TMOD1: variants seen among roughly 807,000 people sequenced by gnomAD.
TMOD1 encodes tropomodulin 1, also known as tropomodulin-1.
A neutral mutation model predicts 40.6 loss-of-function variants in TMOD1; 17 were observed. The observed-to-expected ratio is 0.42, with a 90% CI of 0.29 to 0.63. The LOEUF (loss-of-function observed/expected upper bound fraction) is 0.63. Ranked by LOEUF, TMOD1 falls within the 20% of genes least tolerant of loss-of-function variation. The pLI is 0.22. For synonymous variants in TMOD1, 181 were observed against 175.0 expected (o/e 1.03, Z -0.27); for missense variants, 391 against 447.6 (o/e 0.87, Z 1.14).
chr9:97,517,672 A>G (rs1427959103), intron 1 of TMOD1: 1 of 152,934 alleles, frequency 6.5e-6, no homozygotes, highest in Admixed American at 6.5e-5. Context: ...AGAACCAGCC[A>G]GGGAGAACGT....
intron 2 of TMOD1, among the ~76,000 whole-genome samples, chr9:97,532,086 A>G (rs1830110612): frequency 6.6e-6 from 1 of 152,218 alleles, no homozygotes; most frequent in South Asian, 2.1e-4. Flanking sequence ...AGTTTGGTCC[A>G]CAGGGCCGTG....
intron 1 of TMOD1, among the ~76,000 whole-genome samples, chr9:97,520,537 T>A (rs1375688385): frequency 2.0e-5 from 3 of 152,100 alleles, no homozygotes; most frequent in African/African-American, 7.2e-5. Flanking sequence ...AGTCGATGAG[T>A]GTGGCTTGAA....
At chr9:97,559,803 ATATATATATATATATATATATG>A (rs1563990657) in intron 4 of TMOD1, among the ~76,000 whole-genome samples, 22 of 30,994 alleles carry the variant, frequency 7.1e-4, no homozygotes, top group South Asian at 2.1e-3. Context: ...AAATATATAT[ATATATATATATATATATATATG>A]TCTATCTATC....
chr9:97,544,966 G>A (rs1830338117), intron 2 of TMOD1, among the ~76,000 whole-genome samples: 1 of 147,698 alleles, frequency 6.8e-6, no homozygotes, highest in African/African-American at 2.6e-5. Context: ...CCGAGATTGC[G>A]CCACTGCATT....
At chr9:97,568,849 C>T (rs780051679) in intron 7 of TMOD1, 45 bp from the exon 8 acceptor site, 1 of 1,607,442 alleles carries the variant, frequency 6.2e-7, no homozygotes, top group Non-Finnish European at 8.5e-7. Context: ...TCCAGCCTTG[C>T]TCGGGGTGAC....
At chr9:97,531,033 A>ACCC (rs202030181) in intron 2 of TMOD1, among the ~76,000 whole-genome samples, 988 of 78,110 alleles carry the variant, frequency 0.013, 55 homozygotes, top group African/African-American at 0.027. Flanking sequence ...GGTGATCCAC[A>ACCC]CCCACCCCCC....
At chr9:97,567,992 C>T (rs1035649058) in intron 7 of TMOD1, among the ~76,000 whole-genome samples, 1 of 152,026 alleles carries the variant, frequency 6.6e-6, no homozygotes, top group Non-Finnish European at 1.5e-5. Context: ...TCATTTCCTT[C>T]AGAGGCTCTG....
At chr9:97,599,587 G>C (rs374066481) in intron 9 of TMOD1, 47 bp from the exon 10 acceptor site, 7 of 1,612,978 alleles carry the variant, frequency 4.3e-6, no homozygotes, top group South Asian at 2.2e-5. Context: ...GCTGGCCCCT[G>C]GTCTACAGGG....
chr9:97,522,598 G>A (rs950914171), intron 1 of TMOD1, among the ~76,000 whole-genome samples: 10 of 152,034 alleles, frequency 6.6e-5, no homozygotes, highest in Non-Finnish European at 1.0e-4. Context: ...ATCTCACTCC[G>A]TCACCCAGGC....
chr9:97,581,578 C>G (rs1019272612), intron 8 of TMOD1, among the ~76,000 whole-genome samples: 15 of 151,186 alleles, frequency 9.9e-5, no homozygotes, highest in Non-Finnish European at 1.9e-4. Context: ...ACACTGACTT[C>G]CACAATGGTT....
chr9:97,520,465 A>G (rs538876722), intron 1 of TMOD1, among the ~76,000 whole-genome samples: 155 of 152,220 alleles, frequency 1.0e-3, no homozygotes, highest in African/African-American at 3.5e-3. Flanking sequence ...CCCTACCTCC[A>G]GTTCTCCCAT....
intron 2 of TMOD1, among the ~76,000 whole-genome samples, chr9:97,535,167 G>C (rs1304879639): frequency 3.3e-5 from 5 of 152,166 alleles, no homozygotes; most frequent in Non-Finnish European, 7.3e-5. Flanking sequence ...CTCCGAGTAT[G>C]CTGGGGAGTG....
At chr9:97,546,702 G>T (rs1830365179) in intron 3 of TMOD1, among the ~76,000 whole-genome samples, 1 of 152,086 alleles carries the variant, frequency 6.6e-6, no homozygotes, top group African/African-American at 2.4e-5. Context: ...ACCGAGGCAG[G>T]CAGACCACCT....
intron 9 of TMOD1, among the ~76,000 whole-genome samples, chr9:97,597,570 T>C (rs745580606): frequency 5.9e-5 from 9 of 151,804 alleles, no homozygotes; most frequent in African/African-American, 2.2e-4. Flanking sequence ...TGGCAGTGCA[T>C]GCCTGTAGTC....
At chr9:97,527,839 A>G (rs1459748220) in intron 2 of TMOD1, among the ~76,000 whole-genome samples, 1 of 152,126 alleles carries the variant, frequency 6.6e-6, no homozygotes, top group Non-Finnish European at 1.5e-5. Flanking sequence ...CCCAGGGAGA[A>G]GTGCACCTGA....
In TMOD1 at chr9:97,502,491, C is replaced by G. The variant is rs1023098746; in HGVS notation, c.-49+688C>G. Reference sequence around the variant, plus strand: ...GGCCTTGGCAATCCCCCTCTTGTTTCTGGATCTCAGTCTCCCATTTGTAGG... The same window carrying G: ...GGCCTTGGCAATCCCCCTCTTGTTTGTGGATCTCAGTCTCCCATTTGTAGG... On this transcript the variant is annotated intron_variant, in intron 1 of 9. Coordinates refer to ENST00000259365, the MANE Select transcript of TMOD1 (RefSeq NM_003275.4). This position sits in a 1 kb window ranked among gnomAD's most constrained non-coding sequence, Gnocchi z 6.1. Among the ~76,000 whole-genome samples the G allele has an allele frequency of 7.9e-5, 12 of 152,230 alleles. No homozygotes were observed. The highest frequency in any genetic ancestry group is 1.2e-4 in the Non-Finnish European group (8 of 68,034).
At chr9:97,535,215 C>CAG (rs1423112959) in intron 2 of TMOD1, among the ~76,000 whole-genome samples, 1 of 152,132 alleles carries the variant, frequency 6.6e-6, no homozygotes, top group Admixed American at 6.5e-5. Flanking sequence ...GTCTAAGGAG[C>CAG]AGAGGTAGAG....
At chr9:97,574,699 C>G (rs924665761) in intron 8 of TMOD1, among the ~76,000 whole-genome samples, 3 of 152,248 alleles carry the variant, frequency 2.0e-5, no homozygotes, top group African/African-American at 7.2e-5. Context: ...ATCCACCAAT[C>G]AGCACTCTGT....
chr9:97,578,924 T>C (rs1825678334), intron 8 of TMOD1, among the ~76,000 whole-genome samples: 1 of 152,168 alleles, frequency 6.6e-6, no homozygotes, highest in East Asian at 1.9e-4. Context: ...GGGTTCCTGC[T>C]AACTGGGGAG....
Sources: allele counts gnomAD v4.1 joint callset (sites outside exome capture counted in the v4.1 genomes callset), GRCh38; gene constraint gnomAD v4.1.1; non-coding constraint Gnocchi (gnomAD v3.1); transcripts MANE v1.5; gene names NCBI Gene and HGNC (gene_info 2026-07-23, HGNC 2026-07-21).